PTPRT: variants seen among roughly 807,000 people sequenced by gnomAD.
The protein encoded by PTPRT is receptor-type tyrosine-protein phosphatase T.
PTPRT carries 56 observed loss-of-function variants against 176.8 expected under a neutral mutation model. That is an observed-to-expected ratio of 0.32 (90% CI 0.26 to 0.40). PTPRT has a LOEUF of 0.40. PTPRT is among the 10% of genes least tolerant of loss of function. The pLI, the probability that PTPRT is intolerant of heterozygous loss-of-function variation, is 1.00. For synonymous variants in PTPRT, 783 were observed against 739.0 expected (o/e 1.06, Z -0.96); for missense variants, 1,540 against 1,908.2 (o/e 0.81, Z 3.60).
chr20:42,211,229 G>C (rs1485273719), intron 15 of PTPRT, among the ~76,000 whole-genome samples: 3 of 151,944 alleles, frequency 2.0e-5, no homozygotes, highest in Non-Finnish European at 4.4e-5. Context: ...TCAGGACATA[G>C]GCATGGGCAA....
intron 2 of PTPRT, among the ~76,000 whole-genome samples, chr20:42,884,808 G>GT (rs2145867302): frequency 6.6e-6 from 1 of 152,270 alleles, no homozygotes; most frequent in African/African-American, 2.4e-5. Flanking sequence ...CCAACAAGCA[G>GT]TTGTCTTTAC....
chr20:43,083,498 T>G (rs1231664830), intron 1 of PTPRT, among the ~76,000 whole-genome samples: 1 of 150,856 alleles, frequency 6.6e-6, no homozygotes, highest in Non-Finnish European at 1.5e-5. Flanking sequence ...GTAGCTGGGA[T>G]TACAGTCACG....
intron 23 of PTPRT, 26 bp downstream of exon 23, chr20:42,110,306 TC>T (rs878864521): frequency 6.4e-7 from 1 of 1,570,806 alleles, no homozygotes; most frequent in South Asian, 1.2e-5. Flanking sequence ...CGCCTCGGCC[TC>T]CCAAGGTGAA....
At chr20:42,045,813 A>G in the PTPRT span, among the ~76,000 whole-genome samples, 1,062 of 152,260 alleles carry the variant, frequency 7.0e-3, 13 homozygotes, top group African/African-American at 0.025. Flanking sequence ...CCCAAAGCAA[A>G]TGTAGTTTCT....
downstream of PTPRT, among the ~76,000 whole-genome samples, chr20:42,069,134 C>G (rs1169112953): frequency 6.6e-6 from 1 of 152,180 alleles, no homozygotes; most frequent in Non-Finnish European, 1.5e-5. Context: ...TTCTGAAACC[C>G]TACATCTGGC....
At chr20:42,630,722 T>A (rs765508306) in intron 7 of PTPRT, among the ~76,000 whole-genome samples, 14 of 152,204 alleles carry the variant, frequency 9.2e-5, no homozygotes. Context: ...AAATATTTGC[T>A]GGACAGGTGG....
At chr20:43,168,928 G>A (rs1483025628) in intron 1 of PTPRT, among the ~76,000 whole-genome samples, 1 of 152,202 alleles carries the variant, frequency 6.6e-6, no homozygotes, top group Non-Finnish European at 1.5e-5. Context: ...TTAGGTTGAA[G>A]GCATCATGCT....
At chr20:42,197,195 C>T (rs562814120) in intron 16 of PTPRT, among the ~76,000 whole-genome samples, 10 of 151,728 alleles carry the variant, frequency 6.6e-5, no homozygotes, top group East Asian at 3.9e-4. Flanking sequence ...CTGGCAAACA[C>T]GGTGAAACCC....
chr20:42,406,753 T>G (rs1451547118), intron 9 of PTPRT, among the ~76,000 whole-genome samples: 1 of 152,148 alleles, frequency 6.6e-6, no homozygotes, highest in Admixed American at 6.6e-5. Context: ...ACAAATGGAA[T>G]CAATCAGTGC....
intron 11 of PTPRT, among the ~76,000 whole-genome samples, chr20:42,323,973 A>T (rs2057844460): frequency 6.6e-6 from 1 of 152,088 alleles, no homozygotes; most frequent in African/African-American, 2.4e-5. Context: ...TTCCTTAAAA[A>T]GGTAAACATA....
intron 1 of PTPRT, among the ~76,000 whole-genome samples, chr20:42,918,976 C>G (rs1978971530): frequency 6.6e-6 from 1 of 152,310 alleles, no homozygotes; most frequent in African/African-American, 2.4e-5. Context: ...ACTCACTAAA[C>G]AGTAAAACAG....
rs1289338861 is a variant in PTPRT at position 42,078,751 on chromosome 20, T to A, written c.*2128A>T. On this transcript the variant is annotated 3_prime_UTR_variant, in exon 31 of 31. Coordinates refer to ENST00000373187, the MANE Select transcript of PTPRT (RefSeq NM_007050.6). The stretch of plus-strand genomic sequence containing the variant: ...CCCCAGACTGCTTCTCCCAATGCCT[T>A]TTCACATTTCTTTGCCATTGCACAT... 1 of 177,284 alleles carries A rather than the reference T, an allele frequency of 5.6e-6. No homozygotes were observed. Among genetic ancestry groups the A allele is most frequent in the Non-Finnish European group, 1.2e-5 (1 of 82,526 alleles). The allele number at this position is 177,284 out of a possible 1,614,324, so 11.0% of individuals were successfully genotyped here. A position where few individuals can be genotyped will look rare whatever the true frequency, so the allele number is the denominator to read the frequency against.
chr20:42,047,598 A>G, the PTPRT span, among the ~76,000 whole-genome samples: 1 of 152,238 alleles, frequency 6.6e-6, no homozygotes, highest in Non-Finnish European at 1.5e-5. Flanking sequence ...GCATTCAGGT[A>G]TATTCATTAG....
intron 9 of PTPRT, among the ~76,000 whole-genome samples, chr20:42,435,128 G>A (rs1568875870): frequency 1.3e-5 from 2 of 150,334 alleles, no homozygotes; most frequent in Non-Finnish European, 3.0e-5. Context: ...GATGAGCTAT[G>A]TATATATATA....
At chr20:43,019,617 CAAAA>C (rs539102745) in intron 1 of PTPRT, among the ~76,000 whole-genome samples, 3 of 56,114 alleles carry the variant, frequency 5.3e-5, no homozygotes, top group African/African-American at 5.2e-5. Context: ...GACACCGTCT[CAAAA>C]AAAAAAAAAA....
intron 7 of PTPRT, among the ~76,000 whole-genome samples, chr20:42,617,812 T>C (rs1481351732): frequency 7.2e-6 from 1 of 139,264 alleles, no homozygotes; most frequent in Non-Finnish European, 1.5e-5. Context: ...TTATTGCATC[T>C]ATTTGATTCT....
chr20:42,109,172 G>A (rs1986796197), intron 23 of PTPRT, among the ~76,000 whole-genome samples: 1 of 152,234 alleles, frequency 6.6e-6, no homozygotes, highest in Non-Finnish European at 1.5e-5. Context: ...GATGCTGTAT[G>A]AGGACGGGGC....
rs140013767 is a variant in PTPRT at position 42,663,082 on chromosome 20, A to G, written c.1153+14784T>C. Among the ~76,000 whole-genome samples the G allele has an allele frequency of 6.2e-4, 95 of 152,196 alleles. No individual in the cohort carries two copies. In the East Asian group the frequency reaches 0.013, roughly 21 times the overall value. ...TGTCTCTGTACCTATACCCAAGGGC[A>G]GATAGGTTAAAATACATATTTTAAG... On this transcript the variant is annotated intron_variant, in intron 7 of 30. Coordinates refer to ENST00000373187, the MANE Select transcript of PTPRT (RefSeq NM_007050.6).
intron 6 of PTPRT, among the ~76,000 whole-genome samples, chr20:42,691,138 G>A (rs1440288330): frequency 6.6e-6 from 1 of 152,218 alleles, no homozygotes; most frequent in Non-Finnish European, 1.5e-5. Flanking sequence ...TTATGCATGT[G>A]GTAGCCACTA....
Sources: gnomAD v4.1 joint callset for allele counts (sites outside exome capture counted in the v4.1 genomes callset) on GRCh38, gnomAD v4.1.1 for gene constraint, MANE v1.5 for transcripts, NCBI Gene and HGNC (gene_info 2026-07-23, HGNC 2026-07-21) for gene names.